The following CNTN4 variants were observed in gnomAD, a reference collection of about 807,000 sequenced individuals.
CNTN4 encodes the protein contactin 4, also known as contactin-4.
In CNTN4, 77 loss-of-function variants were observed where a neutral mutation model predicts 122.5. The ratio of observed to expected loss-of-function variants is 0.63; its 90% CI spans 0.52 to 0.76. The LOEUF (loss-of-function observed/expected upper bound fraction) is 0.76. Ranked by LOEUF, CNTN4 falls within the 30% of genes least tolerant of loss-of-function variation. The pLI, the probability that CNTN4 is intolerant of heterozygous loss-of-function variation, is 0.00. For missense variants in CNTN4, 1,256 were observed against 1,259.1 expected (o/e 1.00, Z 0.04); for synonymous variants, 512 against 447.0 (o/e 1.15, Z -1.83).
intron 14 of CNTN4, among the ~76,000 whole-genome samples, chr3:3,012,688 G>A (rs1697354433): frequency 6.6e-6 from 1 of 152,090 alleles, no homozygotes; most frequent in Admixed American, 6.5e-5. Context: ...CTTTGCATTG[G>A]CTGGGCGCCG....
chr3:2,451,626 A>G (rs2048832402), intron 3 of CNTN4, among the ~76,000 whole-genome samples: 1 of 152,070 alleles, frequency 6.6e-6, no homozygotes. Flanking sequence ...AACCATATAA[A>G]TGTAGTTATC....
intron 4 of CNTN4, among the ~76,000 whole-genome samples, chr3:2,585,841 A>T (rs559960883): frequency 5.3e-5 from 8 of 151,764 alleles, no homozygotes; most frequent in East Asian, 3.9e-4. Context: ...AGTATAATAA[A>T]AAAAAAAAAG....
At chr3:2,533,388 A>C (rs1013455508) in intron 3 of CNTN4, among the ~76,000 whole-genome samples, 6 of 151,584 alleles carry the variant, frequency 4.0e-5, no homozygotes, top group Admixed American at 3.9e-4. Context: ...GCAGTGTTTG[A>C]TTTTTTGTCC....
At chr3:2,859,113 G>A (rs2093647172) in intron 7 of CNTN4, among the ~76,000 whole-genome samples, 1 of 152,162 alleles carries the variant, frequency 6.6e-6, no homozygotes, top group Non-Finnish European at 1.5e-5. Context: ...CTGTTTCTAT[G>A]TGTTCAACGT....
At chr3:2,624,284 G>A (rs1201174261) in intron 4 of CNTN4, among the ~76,000 whole-genome samples, 1 of 152,146 alleles carries the variant, frequency 6.6e-6, no homozygotes, top group African/African-American at 2.4e-5. Flanking sequence ...GAAACAAAAA[G>A]TGTGAACTCT....
intron 2 of CNTN4, among the ~76,000 whole-genome samples, chr3:2,250,523 G>C (rs1159722534): frequency 6.6e-6 from 1 of 151,832 alleles, no homozygotes; most frequent in Non-Finnish European, 1.5e-5. Context: ...TAGCTAGAGG[G>C]AGGATATTGA....
chr3:2,381,364 C>A (rs550789412), intron 3 of CNTN4, among the ~76,000 whole-genome samples: 1 of 152,230 alleles, frequency 6.6e-6, no homozygotes, highest in East Asian at 1.9e-4. Context: ...ATACTTTGTA[C>A]CTTGTCCTAC....
chr3:2,150,012 C>A (rs915603409), intron 2 of CNTN4, among the ~76,000 whole-genome samples: 1 of 148,992 alleles, frequency 6.7e-6, no homozygotes, highest in Non-Finnish European at 1.5e-5. Flanking sequence ...TGAATATATG[C>A]AAGGTTAGAG....
intron 4 of CNTN4, among the ~76,000 whole-genome samples, chr3:2,649,260 A>T (rs192892731): frequency 1.8e-4 from 27 of 152,370 alleles, no homozygotes; most frequent in African/African-American, 6.2e-4. Context: ...AAACAGCCTT[A>T]TGTTGGAAGA....
chr3:2,236,813 A>G (rs752906371), intron 2 of CNTN4, among the ~76,000 whole-genome samples: 8 of 152,204 alleles, frequency 5.3e-5, no homozygotes, highest in Non-Finnish European at 1.2e-4. Context: ...GCAGTCACAA[A>G]TCACACATCA....
chr3:2,946,562 C>T (rs1206151147), intron 13 of CNTN4, among the ~76,000 whole-genome samples: 1 of 152,098 alleles, frequency 6.6e-6, no homozygotes, highest in Non-Finnish European at 1.5e-5. Flanking sequence ...CTTTGGCAAG[C>T]ACAGTATATT....
chr3:2,224,812 A>G (rs929479098), intron 2 of CNTN4, among the ~76,000 whole-genome samples: 2 of 152,140 alleles, frequency 1.3e-5, no homozygotes, highest in African/African-American at 4.8e-5. Context: ...CTCAATCTGT[A>G]AAAGTCATAT....
At chr3:2,403,344 G>T (rs1297681275) in intron 3 of CNTN4, among the ~76,000 whole-genome samples, 1 of 152,040 alleles carries the variant, frequency 6.6e-6, no homozygotes, top group African/African-American at 2.4e-5. Context: ...TTAATGTGAA[G>T]GGGGACACAG....
At chr3:2,863,940 C>T (rs1458394218) in intron 7 of CNTN4, among the ~76,000 whole-genome samples, 2 of 152,184 alleles carry the variant, frequency 1.3e-5, no homozygotes, top group Non-Finnish European at 2.9e-5. Context: ...GGAAATGCTG[C>T]AGGAGGCACT....
intron 6 of CNTN4, among the ~76,000 whole-genome samples, chr3:2,791,646 T>C (rs965328208): frequency 3.3e-5 from 5 of 152,194 alleles, no homozygotes; most frequent in Non-Finnish European, 7.3e-5. Flanking sequence ...TTTTCTCAGC[T>C]ACTGTAATAA....
intron 6 of CNTN4, among the ~76,000 whole-genome samples, chr3:2,778,221 T>TAAATAAAG (rs751920095): frequency 1.7e-5 from 2 of 117,248 alleles, no homozygotes; most frequent in Non-Finnish European, 1.8e-5. Context: ...CTCAAATAAA[T>TAAATAAAG]AAATAAATAA....
intron 4 of CNTN4, among the ~76,000 whole-genome samples, chr3:2,654,892 A>G (rs1209232420): frequency 6.6e-6 from 1 of 152,126 alleles, no homozygotes; most frequent in Non-Finnish European, 1.5e-5. Context: ...TATGCCCCAG[A>G]TAACACAGGG....
At chr3:2,990,053 G>A (rs2125300221) in intron 14 of CNTN4, among the ~76,000 whole-genome samples, 1 of 152,332 alleles carries the variant, frequency 6.6e-6, no homozygotes. Flanking sequence ...CTTAGCCTGT[G>A]TGGGGATAAT....
chr3:2,695,766 C>T (rs145036550), intron 4 of CNTN4, among the ~76,000 whole-genome samples: 70 of 152,222 alleles, frequency 4.6e-4, no homozygotes, highest in African/African-American at 1.6e-3. Context: ...TGGGAGCACT[C>T]GGGTAATCTA....
Sources: gnomAD v4.1 joint callset for allele counts (sites outside exome capture counted in the v4.1 genomes callset) on GRCh38, gnomAD v4.1.1 for gene constraint, MANE v1.5 for transcripts, NCBI Gene and HGNC (gene_info 2026-07-23, HGNC 2026-07-21) for gene names.